The following SPIDR variants were observed in gnomAD, a reference collection of about 807,000 sequenced individuals.
SPIDR encodes the protein scaffold protein involved in DNA repair, also known as DNA repair-scaffolding protein.
A neutral mutation model predicts 104.6 loss-of-function variants in SPIDR; 93 were observed. The observed-to-expected ratio is 0.89, with a 90% CI of 0.75 to 1.06. The LOEUF (loss-of-function observed/expected upper bound fraction) is 1.06, where lower values mean the gene tolerates loss of function less well. SPIDR is among the 50% of genes least tolerant of loss of function. The probability of loss-of-function intolerance (pLI) is 0.00; values close to 1 mark genes in which losing one functional copy is unlikely to be tolerated. For missense variants in SPIDR, 1,154 were observed against 1,111.2 expected, an observed-to-expected ratio of 1.04 and a Z score of -0.55; for synonymous variants, 431 against 416.9, an observed-to-expected ratio of 1.03 and a Z score of -0.41.
chr8:47,553,477 G>A (rs2090882526), intron 8 of SPIDR, among the ~76,000 whole-genome samples: 1 of 151,966 alleles, frequency 6.6e-6, no homozygotes, highest in South Asian at 2.1e-4. Flanking sequence ...TTCTCTTCTT[G>A]CTTCATTTCA....
At chr8:47,564,686 GA>G (rs79077645) in intron 8 of SPIDR, among the ~76,000 whole-genome samples, 4,915 of 83,282 alleles carry the variant, frequency 0.059, 104 homozygotes, top group African/African-American at 0.11. Flanking sequence ...TCTCCAAAAA[GA>G]AAAAAAAAAA....
chr8:47,280,138 T>C (rs1420617535), intron 2 of SPIDR, 121 bp downstream of exon 2: 1 of 929,226 alleles, frequency 1.1e-6, no homozygotes, highest in African/African-American at 1.6e-5. Flanking sequence ...CTGTAACTGG[T>C]ACACTCCTTT....
intron 10 of SPIDR, among the ~76,000 whole-genome samples, chr8:47,642,375 C>T (rs4873507): frequency 0.45 from 67,142 of 148,914 alleles, 18,194 homozygotes; most frequent in East Asian, 0.65. Flanking sequence ...AAGATCGTGC[C>T]ACTGCACTCC....
At chr8:47,469,035 A>G (rs964924948) in intron 8 of SPIDR, among the ~76,000 whole-genome samples, 7 of 152,228 alleles carry the variant, frequency 4.6e-5, no homozygotes, top group African/African-American at 1.7e-4. Flanking sequence ...AGCAAATGAC[A>G]TGAACAGACA....
At chr8:47,675,100 C>T (rs908861667) in intron 11 of SPIDR, among the ~76,000 whole-genome samples, 6 of 152,082 alleles carry the variant, frequency 3.9e-5, no homozygotes, top group Admixed American at 3.3e-4. Flanking sequence ...GCAATGGCGC[C>T]GTCTTGGCTC....
chr8:47,330,090 G>T (rs1332252087), intron 5 of SPIDR, among the ~76,000 whole-genome samples: 1 of 152,044 alleles, frequency 6.6e-6, no homozygotes, highest in Non-Finnish European at 1.5e-5. Context: ...AAGAAATTCT[G>T]TGTGTATATT....
chr8:47,545,094 TCTTTCTTTCTTTCTTTCTTTC>T (rs2089034537), intron 8 of SPIDR, among the ~76,000 whole-genome samples: 1 of 135,778 alleles, frequency 7.4e-6, no homozygotes, highest in Admixed American at 8.1e-5. Context: ...TTTCTTTCTT[TCTTTCTTTCTTTCTTTCTTTC>T]TTTCTTTTTT....
chr8:47,598,974 G>A lies in SPIDR; in HGVS notation c.1322G>A (p.Gly441Glu). The change falls in exon 10 of 20, where the codon GGG (glycine) becomes GAG (glutamate). Residue 441 changes from glycine (G) to glutamate (E), a missense_variant. By Grantham distance (98) the Gly-to-Glu change is moderately conservative. Coordinates refer to ENST00000297423, the MANE Select transcript of SPIDR (RefSeq NM_001080394.4). ...QVVCSGVATT[G>E]TAWTHGHKEA... Reference sequence around the variant, plus strand: ...GTGTGTAGTGGTGTAGCCACTACAGGGACAGCCTGGACCCATGGGCACAAA... The same window carrying A: ...GTGTGTAGTGGTGTAGCCACTACAGAGACAGCCTGGACCCATGGGCACAAA... 6.2e-7 allele frequency: 1 copy of A among 1,613,838 alleles called. No homozygotes were observed. Among genetic ancestry groups the A allele is most frequent in the Non-Finnish European group, 8.5e-7 (1 of 1,179,902 alleles).
At chr8:47,276,506 T>C (rs2036452485) in intron 1 of SPIDR, among the ~76,000 whole-genome samples, 1 of 152,078 alleles carries the variant, frequency 6.6e-6, no homozygotes, top group Admixed American at 6.6e-5. Flanking sequence ...AAAATGTAGG[T>C]AACAAATATA....
In SPIDR at chr8:47,283,104, C is replaced by T. The variant is rs368997533; in HGVS notation, c.190-924C>T. ...CTCCTGATCTCAGGTGATTTACTTGCGTTGGCCTCCCAGAGTTCTGGGATT... is the reference window on the plus strand; with the variant it reads ...CTCCTGATCTCAGGTGATTTACTTGTGTTGGCCTCCCAGAGTTCTGGGATT... On this transcript the variant is annotated intron_variant, in intron 2 of 19. Transcript: ENST00000297423. 1.2e-4 allele frequency among the ~76,000 whole-genome samples: 18 copies of T among 152,282 alleles called. No homozygotes were observed. The South Asian group carries it at 2.5e-3, about 21-fold the overall frequency.
At chr8:47,323,071 G>C (rs993538265) in intron 5 of SPIDR, among the ~76,000 whole-genome samples, 1 of 149,992 alleles carries the variant, frequency 6.7e-6, no homozygotes, top group Admixed American at 6.7e-5. Context: ...GCATGTACCC[G>C]AAAACGTAAA....
intron 5 of SPIDR, 59 bp downstream of exon 5, chr8:47,294,089 G>T: frequency 1.4e-5 from 21 of 1,509,430 alleles, no homozygotes; most frequent in South Asian, 5.2e-5. Context: ...AATCATAGTT[G>T]TCATTTTTTT....
intron 5 of SPIDR, among the ~76,000 whole-genome samples, chr8:47,336,773 G>T (rs556791817): frequency 2.0e-5 from 3 of 152,188 alleles, no homozygotes; most frequent in Non-Finnish European, 4.4e-5. Context: ...TATGTGTGCA[G>T]TTCTCTTGTA....
At chr8:47,364,589 C>T (rs1433675194) in intron 5 of SPIDR, among the ~76,000 whole-genome samples, 1 of 152,164 alleles carries the variant, frequency 6.6e-6, no homozygotes, top group African/African-American at 2.4e-5. Flanking sequence ...AGTTTTTCTT[C>T]AGTTCACAAA....
intron 10 of SPIDR, among the ~76,000 whole-genome samples, chr8:47,610,734 C>G (rs4873478): frequency 0.68 from 103,624 of 152,126 alleles, 35,633 homozygotes; most frequent in East Asian, 0.81. Context: ...CCCCTTCCCA[C>G]GAGAGAGGAT....
chr8:47,374,517 C>T (rs1554641081), intron 5 of SPIDR, among the ~76,000 whole-genome samples: 1 of 152,116 alleles, frequency 6.6e-6, no homozygotes, highest in African/African-American at 2.4e-5. Context: ...ATTATTTTGT[C>T]TTGCATATGT....
intron 6 of SPIDR, among the ~76,000 whole-genome samples, chr8:47,402,835 G>C (rs781967639): frequency 5.9e-5 from 9 of 152,104 alleles, no homozygotes; most frequent in Non-Finnish European, 1.0e-4. Context: ...AAGAGAGAAT[G>C]CTCTCTAATT....
intron 11 of SPIDR, among the ~76,000 whole-genome samples, chr8:47,689,745 G>A (rs1448638010): frequency 6.6e-6 from 1 of 152,152 alleles, no homozygotes. Flanking sequence ...GTGACTGGGG[G>A]TGGCATGGGA....
Position 47,645,446 on chromosome 8 carries a change from G to T in SPIDR, c.1545-28355G>T, listed in dbSNP as rs373735535. On this transcript the variant is annotated intron_variant, in intron 10 of 19. Transcript: ENST00000297423. The stretch of plus-strand genomic sequence containing the variant: ...TTCTAGTGATGGCCTTGTTGAGGTG[G>T]AGACCTCTAAGACACCAAGCTGAAG... Among the ~76,000 whole-genome samples, 9 of 152,190 alleles carry T rather than the reference G, an allele frequency of 5.9e-5. No individual in the cohort carries two copies. The East Asian group carries it at 1.5e-3, about 26-fold the overall frequency.
Sources: allele counts gnomAD v4.1 joint callset (sites outside exome capture counted in the v4.1 genomes callset), GRCh38; gene constraint gnomAD v4.1.1; transcripts MANE v1.5; gene names NCBI Gene and HGNC (gene_info 2026-07-23, HGNC 2026-07-21).